Variants in LINGO2 observed in about 807,000 individuals in gnomAD.
LINGO2 encodes leucine-rich repeat and immunoglobulin-like domain-containing nogo receptor-interacting protein 2.
A neutral mutation model predicts 30.6 loss-of-function variants in LINGO2; 14 were observed. The ratio of observed to expected loss-of-function variants is 0.46; its 90% CI spans 0.30 to 0.72. The LOEUF (loss-of-function observed/expected upper bound fraction) is 0.72. LINGO2 is among the 30% of genes least tolerant of loss of function. The pLI, the probability that LINGO2 is intolerant of heterozygous loss-of-function variation, is 0.07. For synonymous variants in LINGO2, 317 were observed against 288.5 expected, an observed-to-expected ratio of 1.10 and a Z score of -1.00; for missense variants, 729 against 751.7, an observed-to-expected ratio of 0.97 and a Z score of 0.35.
chr9:28,506,399 C>CATAT (rs371821368), intron 1 of LINGO2, among the ~76,000 whole-genome samples: 1 of 26,152 alleles, frequency 3.8e-5, no homozygotes, highest in Admixed American at 5.7e-4. Context: ...GCTTCTTAGA[C>CATAT]ATATATATAT....
At chr9:28,414,186 A>G (rs994914093) in intron 2 of LINGO2, among the ~76,000 whole-genome samples, 4 of 151,988 alleles carry the variant, frequency 2.6e-5, no homozygotes, top group African/African-American at 9.7e-5. Context: ...GACTTTCAGA[A>G]CTTTACTTGT....
chr9:29,014,065 T>C, the LINGO2 span, among the ~76,000 whole-genome samples: 1 of 152,136 alleles, frequency 6.6e-6, no homozygotes, highest in East Asian at 1.9e-4. Flanking sequence ...AATCCATTCA[T>C]TTTTTTTCTG....
chr9:28,267,499 C>T (rs375039604), intron 4 of LINGO2, among the ~76,000 whole-genome samples: 218 of 152,048 alleles, frequency 1.4e-3, no homozygotes, highest in African/African-American at 4.9e-3. Context: ...AACATTCCTC[C>T]TGTACTTTCA....
chr9:29,098,742 T>G, the LINGO2 span, among the ~76,000 whole-genome samples: 1 of 152,170 alleles, frequency 6.6e-6, no homozygotes, highest in Non-Finnish European at 1.5e-5. Context: ...TAAGAAGCCT[T>G]TGATACTTTT....
the LINGO2 span, among the ~76,000 whole-genome samples, chr9:28,701,301 A>C: frequency 6.6e-6 from 1 of 151,978 alleles, no homozygotes; most frequent in Non-Finnish European, 1.5e-5. Context: ...TTTTGTGTTC[A>C]GACCTATGCT....
chr9:28,266,384 C>G (rs1177058788), intron 4 of LINGO2, among the ~76,000 whole-genome samples: 1 of 151,998 alleles, frequency 6.6e-6, no homozygotes, highest in African/African-American at 2.4e-5. Context: ...TCTGATGCAA[C>G]TAATTGTGAC....
At chr9:28,381,235 AC>A (rs1481804692) in intron 2 of LINGO2, among the ~76,000 whole-genome samples, 1 of 152,222 alleles carries the variant, frequency 6.6e-6, no homozygotes, top group South Asian at 2.1e-4. Context: ...AAACAAACAA[AC>A]AAAAACAAAA....
intron 4 of LINGO2, among the ~76,000 whole-genome samples, chr9:28,264,303 G>GA (rs1300800666): frequency 2.0e-5 from 3 of 151,576 alleles, no homozygotes; most frequent in African/African-American, 7.3e-5. Context: ...TAGGTTCCAG[G>GA]AAAAAAGGGG....
At chr9:28,864,644 G>C in the LINGO2 span, among the ~76,000 whole-genome samples, 1 of 65,104 alleles carries the variant, frequency 1.5e-5, no homozygotes, top group Non-Finnish European at 3.1e-5. Context: ...CTTTATAGAA[G>C]CTCATGAACA....
intron 5 of LINGO2, among the ~76,000 whole-genome samples, chr9:27,970,272 G>C (rs977368445): frequency 7.9e-5 from 12 of 152,170 alleles, no homozygotes; most frequent in Non-Finnish European, 1.3e-4. Flanking sequence ...CCTGGGACAT[G>C]TAGACCCTCC....
At chr9:28,742,596 A>T in the LINGO2 span, among the ~76,000 whole-genome samples, 1 of 151,880 alleles carries the variant, frequency 6.6e-6, no homozygotes, top group South Asian at 2.1e-4. Flanking sequence ...TCTCTTATAC[A>T]TACTAAATCT....
At chr9:27,958,397 A>G (rs78643462) in intron 5 of LINGO2, among the ~76,000 whole-genome samples, 8,518 of 152,064 alleles carry the variant, frequency 0.056, 766 homozygotes, top group African/African-American at 0.19. Flanking sequence ...ATTTTTGTCT[A>G]ATTTTTAGTT....
At chr9:28,317,759 C>A (rs140833496) in intron 3 of LINGO2, among the ~76,000 whole-genome samples, 4 of 152,116 alleles carry the variant, frequency 2.6e-5, no homozygotes, top group Non-Finnish European at 5.9e-5. Context: ...ATACAGGGTA[C>A]GAGAACAGCC....
intron 1 of LINGO2, among the ~76,000 whole-genome samples, chr9:28,499,139 T>G (rs1456204693): frequency 6.6e-6 from 1 of 152,176 alleles, no homozygotes; most frequent in Non-Finnish European, 1.5e-5. Flanking sequence ...AAAGTTTCCC[T>G]TCTTTAGCAA....
the LINGO2 span, among the ~76,000 whole-genome samples, chr9:29,101,224 T>C: frequency 1.3e-5 from 2 of 152,102 alleles, no homozygotes; most frequent in East Asian, 3.9e-4. Context: ...TATACCACCG[T>C]TAGTGGAATT....
intron 4 of LINGO2, among the ~76,000 whole-genome samples, chr9:28,125,062 C>T (rs1184201083): frequency 6.6e-6 from 1 of 152,172 alleles, no homozygotes; most frequent in Non-Finnish European, 1.5e-5. Flanking sequence ...AGGAATTGTG[C>T]TTCTGGTAGG....
chr9:28,811,861 T>C, the LINGO2 span, among the ~76,000 whole-genome samples: 83 of 152,280 alleles, frequency 5.5e-4, 1 homozygote, highest in African/African-American at 2.0e-3. Flanking sequence ...CTTATCTGTA[T>C]GTCTTTACTT....
chr9:28,066,469 C>T (rs1188256388), intron 4 of LINGO2, among the ~76,000 whole-genome samples: 1 of 152,048 alleles, frequency 6.6e-6, no homozygotes, highest in African/African-American at 2.4e-5. Flanking sequence ...CTTTGTGGTC[C>T]TGAAGATGTA....
intron 5 of LINGO2, among the ~76,000 whole-genome samples, chr9:27,997,860 T>C (rs754827103): frequency 1.3e-5 from 2 of 151,536 alleles, no homozygotes; most frequent in Non-Finnish European, 2.9e-5. Flanking sequence ...CAAGTCATGT[T>C]CAGTGGAGCA....
Sources: gnomAD v4.1 joint callset for allele counts (sites outside exome capture counted in the v4.1 genomes callset) on GRCh38, gnomAD v4.1.1 for gene constraint, MANE v1.5 for transcripts, NCBI Gene and HGNC (gene_info 2026-07-23, HGNC 2026-07-21) for gene names.